KCNQ4: variants seen among roughly 807,000 people sequenced by gnomAD.
KCNQ4 encodes potassium voltage-gated channel subfamily KQT member 4.
Under a neutral mutation model 72.6 loss-of-function variants are expected in KCNQ4, and 31 were observed. The observed-to-expected ratio is 0.43, with a 90% confidence interval of 0.32 to 0.58. The LOEUF is 0.58. Among genes scored for constraint, KCNQ4 ranks in the 20% least tolerant of loss-of-function variants. The probability of loss-of-function intolerance (pLI) is 0.08; values close to 1 mark genes in which losing one functional copy is unlikely to be tolerated. For synonymous variants in KCNQ4, 405 were observed against 403.7 expected (o/e 1.00, Z -0.04); for missense variants, 869 against 962.6 (o/e 0.90, Z 1.29).
intron 1 of KCNQ4, among the ~76,000 whole-genome samples, chr1:40,811,070 G>T (rs772049159): frequency 6.6e-6 from 1 of 152,100 alleles, no homozygotes; most frequent in Non-Finnish European, 1.5e-5. Context: ...CCTCTGAACC[G>T]CCCTCTCCTT....
At chr1:40,818,010 G>T (rs1380769970) in intron 2 of KCNQ4, among the ~76,000 whole-genome samples, 154 bp from the exon 3 acceptor site, 3 of 152,084 alleles carry the variant, frequency 2.0e-5, no homozygotes, top group African/African-American at 7.2e-5. Flanking sequence ...GGGGCCACCT[G>T]CCCTCCGGAA....
In KCNQ4 at chr1:40,831,321, C is replaced by A. The variant is rs796518595; in HGVS notation, c.1513+17C>A. 6.4e-7 allele frequency: 1 copy of A among 1,571,656 alleles called. No individual in the cohort carries two copies. On this transcript the variant is annotated intron_variant, in intron 10 of 13. Coordinates refer to ENST00000347132, the MANE Select transcript of KCNQ4 (RefSeq NM_004700.4). ...CTGCTGAGGGTAAGCCCCCGGGGGG[C>A]TGAGTCCGATCGAGGGCCGGCTGAG... is the stretch of plus-strand genomic sequence containing the variant.
intron 7 of KCNQ4, among the ~76,000 whole-genome samples, chr1:40,820,879 C>T (rs191434022): frequency 1.6e-4 from 25 of 152,292 alleles, no homozygotes; most frequent in Admixed American, 4.6e-4. Context: ...TTTTCTGTGA[C>T]CCTGGGACTA....
intron 12 of KCNQ4, 101 bp downstream of exon 12, chr1:40,835,199 T>G: frequency 6.9e-7 from 1 of 1,445,744 alleles, no homozygotes; most frequent in South Asian, 1.3e-5. Context: ...AAGGGCTCAC[T>G]GCTGCAGCTG....
chr1:40,835,940 G>T (rs1052928551), intron 12 of KCNQ4, among the ~76,000 whole-genome samples: 1 of 151,934 alleles, frequency 6.6e-6, no homozygotes, highest in African/African-American at 2.4e-5. Flanking sequence ...AGGTCAGAGG[G>T]CTAACGGCAC....
rs186305045 is a variant in KCNQ4, at chr1:40,814,208, C to T, written c.315-3057C>T. ...AGCTGGGATTACAGGCGCCTACCAACACGCCTGGCTAACTTTTGTATTTTT... is the reference window on the plus strand; with the variant it reads ...AGCTGGGATTACAGGCGCCTACCAATACGCCTGGCTAACTTTTGTATTTTT... On this transcript the variant is annotated intron_variant, in intron 1 of 13. Transcript: ENST00000347132. Among the ~76,000 whole-genome samples, 740 of 151,930 alleles carry T rather than the reference C, an allele frequency of 4.9e-3. 1 individual carries two copies. Among genetic ancestry groups the T allele is most frequent in the Admixed American group, 9.4e-3 (144 of 15,264 alleles).
chr1:40,804,518 C>T (rs1039429797), intron 1 of KCNQ4, among the ~76,000 whole-genome samples: 3 of 152,194 alleles, frequency 2.0e-5, no homozygotes, highest in Non-Finnish European at 2.9e-5. Context: ...CGCTTCCCCT[C>T]ATACAAGTCA....
chr1:40,805,737 TG>T (rs1432022801), intron 1 of KCNQ4, among the ~76,000 whole-genome samples: 1 of 152,114 alleles, frequency 6.6e-6, no homozygotes, highest in African/African-American at 2.4e-5. Flanking sequence ...GTTGGCCTGG[TG>T]GGTGGGGCTT....
In KCNQ4 at chr1:40,820,210, C is replaced by A. The variant is rs1178772384; in HGVS notation, c.991C>A (p.Arg331=). ...TGCCCTGAAGGTCCAGGAGCAGCAC[C>A]GGCAGAAGCACTTCGAGAAGCGGAG... The part of the protein sequence containing the change: ...GFALKVQEQH[R]QKHFEKRRMP... The change falls in exon 7 of 14, where the codon CGG becomes AGG. Residue 331 remains arginine, a synonymous_variant. Coordinates refer to ENST00000347132, the MANE Select transcript of KCNQ4 (RefSeq NM_004700.4). 2 of 1,610,870 alleles carry A rather than the reference C, an allele frequency of 1.2e-6. No individual in the cohort carries two copies. Among genetic ancestry groups the A allele is most frequent in the East Asian group, 2.2e-5 (1 of 44,690 alleles).
intron 1 of KCNQ4, among the ~76,000 whole-genome samples, chr1:40,799,221 G>A (rs911427431): frequency 1.3e-5 from 2 of 152,238 alleles, no homozygotes; most frequent in African/African-American, 4.8e-5. Flanking sequence ...AGGGGGCAAT[G>A]CTGGGGCATT....
chr1:40,828,476 A>G (rs1353605504), intron 9 of KCNQ4, among the ~76,000 whole-genome samples: 1 of 151,844 alleles, frequency 6.6e-6, no homozygotes, highest in African/African-American at 2.4e-5. Context: ...GCTCCAGTTG[A>G]GAACCACTGC....
At chr1:40,837,940 C>G (rs1570857309) in intron 13 of KCNQ4, 146 bp downstream of exon 13, 5 of 1,159,500 alleles carry the variant, frequency 4.3e-6, no homozygotes, top group Non-Finnish European at 6.1e-6. Context: ...AGCCCCCGCC[C>G]TCGCCGCCAG....
At chr1:40,812,317 C>T (rs901442404) in intron 1 of KCNQ4, among the ~76,000 whole-genome samples, 11 of 152,134 alleles carry the variant, frequency 7.2e-5, no homozygotes, top group Admixed American at 2.0e-4. Flanking sequence ...AATGCAGTGG[C>T]GAGATCACAG....
Position 40,831,069 on chromosome 1 carries a change from T to C in KCNQ4, c.1293-15T>C, listed in dbSNP as rs774901609. 1.1e-5 allele frequency: 17 copies of C among 1,559,058 alleles called. No individual in the cohort carries two copies. Among genetic ancestry groups the C allele is most frequent in the Non-Finnish European group, 1.4e-5 (16 of 1,149,832 alleles). ...TGGCTAACTTGGCTCTCTCCCAACC[T>C]GCCTGCCCTGCCAGCAGCCGGATGG... On this transcript the variant is annotated splice_polypyrimidine_tract_variant and intron_variant, in intron 9 of 13. Coordinates refer to ENST00000347132, the MANE Select transcript of KCNQ4 (RefSeq NM_004700.4).
chr1:40,838,944 A>T lies in KCNQ4; in HGVS notation c.*421A>T, dbSNP rs532277708. The T allele has an allele frequency of 2.1e-4, 57 of 272,716 alleles. No individual in the cohort carries two copies. The highest frequency in any genetic ancestry group is 1.2e-3 in the African/African-American group (57 of 45,804). The allele number at this position is 272,716 out of a possible 1,614,324, so 16.9% of individuals were successfully genotyped here. A position where few individuals can be genotyped will look rare whatever the true frequency, so the allele number is the denominator to read the frequency against. On this transcript the variant is annotated 3_prime_UTR_variant, in exon 14 of 14. Transcript: ENST00000347132. ...GACACAGCAGGGAAGCCCTCCCGCC[A>T]AGTCCCCGCCCCACTTGGGGGTGGG...
At chr1:40,829,191 C>T (rs1261683459) in intron 9 of KCNQ4, among the ~76,000 whole-genome samples, 1 of 152,240 alleles carries the variant, frequency 6.6e-6, no homozygotes, top group African/African-American at 2.4e-5. Flanking sequence ...CTCCTCTCTT[C>T]CTCTCCCTCT....
At chr1:40,811,931 G>C (rs1476507711) in intron 1 of KCNQ4, among the ~76,000 whole-genome samples, 6 of 152,254 alleles carry the variant, frequency 3.9e-5, no homozygotes, top group Middle Eastern at 3.2e-3. Context: ...CCCAGAGGGG[G>C]CCAGAGAGAA....
intron 10 of KCNQ4, among the ~76,000 whole-genome samples, chr1:40,831,511 G>A (rs866231267): frequency 1.2e-4 from 18 of 152,224 alleles, no homozygotes; most frequent in South Asian, 2.1e-4. Flanking sequence ...TGGGAATCAC[G>A]TGGAGGGTGG....
Position 40,793,520 on chromosome 1 carries a change from G to A in KCNQ4, c.314+9113G>A, listed in dbSNP as rs148690997. ...CTCCGCTCTGCAGTTTCATCCCTGC[G>A]CTTCCTGCCTGCTGACACCTCTCCT... is the stretch of plus-strand genomic sequence containing the variant. On this transcript the variant is annotated intron_variant, in intron 1 of 13. Coordinates refer to ENST00000347132, the MANE Select transcript of KCNQ4 (RefSeq NM_004700.4). 6.6e-4 allele frequency among the ~76,000 whole-genome samples: 101 copies of A among 152,072 alleles called. 1 individual carries two copies. The East Asian group carries it at 0.016, about 24-fold the overall frequency.
Sources: gnomAD v4.1 joint callset for allele counts (sites outside exome capture counted in the v4.1 genomes callset) on GRCh38, gnomAD v4.1.1 for gene constraint, MANE v1.5 for transcripts, NCBI Gene and HGNC (gene_info 2026-07-23, HGNC 2026-07-21) for gene names.